PLEKHA5: variants seen among roughly 807,000 people sequenced by gnomAD.
PLEKHA5 encodes pleckstrin homology domain containing A5, also known as pleckstrin homology domain-containing family A member 5.
PLEKHA5 carries 55 observed loss-of-function variants against 181.9 expected under a neutral mutation model. The observed-to-expected ratio is 0.30, with a 90% confidence interval of 0.24 to 0.38. The LOEUF (loss-of-function observed/expected upper bound fraction) is 0.38, where lower values mean the gene tolerates loss of function less well. Ranked by LOEUF, PLEKHA5 falls within the 10% of genes least tolerant of loss-of-function variation. The pLI, the probability that PLEKHA5 is intolerant of heterozygous loss-of-function variation, is 1.00. For synonymous variants in PLEKHA5, 535 were observed against 529.4 expected (o/e 1.01, Z -0.15); for missense variants, 1,432 against 1,549.5 (o/e 0.92, Z 1.27).
At chr12:19,306,993 G>A (rs1366349019) in intron 15 of PLEKHA5, 76 of 1,481,416 alleles carry the variant, frequency 5.1e-5, no homozygotes, top group Non-Finnish European at 6.8e-5. Context: ...CTGTTCCACC[G>A]GCTGCTTTGG....
chr12:19,265,310 T>A (rs939007242), intron 7 of PLEKHA5, among the ~76,000 whole-genome samples: 3 of 152,150 alleles, frequency 2.0e-5, no homozygotes, highest in Non-Finnish European at 4.4e-5. Context: ...TAGGCAATGG[T>A]AACATTCTCG....
chr12:19,204,100 TC>T, intron 3 of PLEKHA5, among the ~76,000 whole-genome samples: 1 of 152,104 alleles, frequency 6.6e-6, no homozygotes, highest in East Asian at 1.9e-4. Flanking sequence ...CTTCTTACCT[TC>T]CCACACCCTC....
At position 19,130,011 on chromosome 12, in the gene PLEKHA5, C is replaced by T. The variant is rs1253695353; in HGVS notation, c.90-40C>T. On this transcript the variant is annotated intron_variant, in intron 1 of 31. Transcript: ENST00000429027. The surrounding 1 kb of genome is among the most constrained non-coding windows in gnomAD (Gnocchi z 4.5). ...GCCCCTCGGCTCGCCCCCGCGTCCCCTCTCACGCTCCGTGTCTGCCCCTTC... is the reference window on the plus strand; with the variant it reads ...GCCCCTCGGCTCGCCCCCGCGTCCCTTCTCACGCTCCGTGTCTGCCCCTTC... 1.3e-6 allele frequency: 2 copies of T among 1,518,482 alleles called. No individual in the cohort carries two copies. Among genetic ancestry groups the T allele is most frequent in the Non-Finnish European group, 1.8e-6 (2 of 1,117,794 alleles). The allele number at this position is 1,518,482 out of a possible 1,614,324, so 94.1% of individuals were successfully genotyped here.
At chr12:19,167,022 C>T (rs1455331432) in intron 3 of PLEKHA5, among the ~76,000 whole-genome samples, 1 of 152,198 alleles carries the variant, frequency 6.6e-6, no homozygotes, top group South Asian at 2.1e-4. Flanking sequence ...GTAGACTTAA[C>T]ACTTCATTAG....
intron 3 of PLEKHA5, among the ~76,000 whole-genome samples, chr12:19,172,635 G>C (rs1376151957): frequency 6.6e-6 from 1 of 152,154 alleles, no homozygotes; most frequent in East Asian, 1.9e-4. Context: ...ACAACTGTTT[G>C]CTTGATTAAG....
At chr12:19,269,393 AAG>A (rs1491087582) in intron 8 of PLEKHA5, among the ~76,000 whole-genome samples, 5 of 138,796 alleles carry the variant, frequency 3.6e-5, no homozygotes, top group South Asian at 2.3e-4. Context: ...TCTCAAAAAA[AAG>A]AAAAAAAAAA....
intron 3 of PLEKHA5, among the ~76,000 whole-genome samples, chr12:19,173,338 T>C (rs1419704113): frequency 6.6e-6 from 1 of 152,146 alleles, no homozygotes; most frequent in East Asian, 1.9e-4. Flanking sequence ...TTTCCCTTTC[T>C]TGTATGCATA....
chr12:19,371,495 T>A (rs1467758316), intron 31 of PLEKHA5: 1 of 153,354 alleles, frequency 6.5e-6, no homozygotes, highest in Non-Finnish European at 1.5e-5. Context: ...CAAAGTCCAT[T>A]ATACCACACT....
intron 3 of PLEKHA5, among the ~76,000 whole-genome samples, chr12:19,157,250 T>G (rs1172952104): frequency 1.3e-5 from 2 of 152,114 alleles, no homozygotes; most frequent in East Asian, 3.9e-4. Context: ...ACTTTTTGGT[T>G]GAGTGGGAAA....
chr12:19,336,110 A>G (rs1010062425), intron 20 of PLEKHA5, among the ~76,000 whole-genome samples: 8 of 152,210 alleles, frequency 5.3e-5, no homozygotes, highest in South Asian at 2.1e-4. Flanking sequence ...AACAGGATTC[A>G]CTGAATTGTT....
intron 3 of PLEKHA5, among the ~76,000 whole-genome samples, chr12:19,196,017 A>G (rs2052630489): frequency 6.6e-6 from 1 of 152,168 alleles, no homozygotes; most frequent in South Asian, 2.1e-4. Context: ...ACTAATTGAG[A>G]TGATTGAAGT....
At chr12:19,218,931 C>CT (rs67123665) in intron 3 of PLEKHA5, among the ~76,000 whole-genome samples, 26 of 140,214 alleles carry the variant, frequency 1.9e-4, no homozygotes, top group South Asian at 1.3e-3. Flanking sequence ...TTTTAATTTT[C>CT]TTTTTTTTTT....
intron 20 of PLEKHA5, among the ~76,000 whole-genome samples, chr12:19,328,320 A>G (rs992837336): frequency 6.6e-6 from 1 of 152,160 alleles, no homozygotes; most frequent in African/African-American, 2.4e-5. Flanking sequence ...TCTTGGTTCA[A>G]TATGAATTTA....
chr12:19,260,393 G>A (rs761213621), intron 6 of PLEKHA5, among the ~76,000 whole-genome samples: 1 of 152,144 alleles, frequency 6.6e-6, no homozygotes, highest in African/African-American at 2.4e-5. Flanking sequence ...TTACAAATAC[G>A]AAGCCAAATC....
chr12:19,337,610 G>A (rs553039189), intron 21 of PLEKHA5, among the ~76,000 whole-genome samples: 5 of 150,156 alleles, frequency 3.3e-5, no homozygotes, highest in South Asian at 2.1e-4. Flanking sequence ...TCTGAGGAAC[G>A]CAGATAATAC....
At chr12:19,250,994 T>C (rs1206604162) in intron 3 of PLEKHA5, among the ~76,000 whole-genome samples, 1 of 152,098 alleles carries the variant, frequency 6.6e-6, no homozygotes, top group East Asian at 1.9e-4. Context: ...GCATAATAAA[T>C]ATGACATTTG....
chr12:19,241,658 A>G (rs1266573461), intron 3 of PLEKHA5, among the ~76,000 whole-genome samples: 1 of 152,024 alleles, frequency 6.6e-6, no homozygotes, highest in Admixed American at 6.5e-5. Flanking sequence ...TGGGAGGTTG[A>G]GGCAGGAGAA....
chr12:19,164,191 G>GT (rs199683682), intron 3 of PLEKHA5, among the ~76,000 whole-genome samples: 6,756 of 117,976 alleles, frequency 0.057, 290 homozygotes, highest in Admixed American at 0.11. Context: ...CTCTCCAGAT[G>GT]TTTTTGTTTT....
rs200105898 is a variant in PLEKHA5 at position 19,319,027 on chromosome 12, C to CT, written c.2119-987dup. Among the ~76,000 whole-genome samples the CT allele has an allele frequency of 9.2e-3, 1,400 of 152,196 alleles. 25 individuals carry two copies. Among genetic ancestry groups the CT allele is most frequent in the African/African-American group, 0.032 (1,320 of 41,512 alleles). On this transcript the variant is annotated intron_variant, in intron 16 of 31. Transcript: ENST00000429027. ...AAAATGGAATTTTGGCATTGTCTTA[C>CT]TTTTTTTATCATAGATCTACCTATT...
Sources: allele counts gnomAD v4.1 joint callset (sites outside exome capture counted in the v4.1 genomes callset), GRCh38; gene constraint gnomAD v4.1.1; non-coding constraint Gnocchi (gnomAD v3.1); transcripts MANE v1.5; gene names NCBI Gene and HGNC (gene_info 2026-07-23, HGNC 2026-07-21).